KCND3: variants seen among roughly 807,000 people sequenced by gnomAD.
KCND3 encodes potassium voltage-gated channel subfamily D member 3.
Under a neutral mutation model 51.1 loss-of-function variants are expected in KCND3, and 9 were observed. That is an observed-to-expected ratio of 0.18 (90% CI 0.11 to 0.31). The LOEUF is 0.31. KCND3 is among the 10% of genes least tolerant of loss of function. The pLI, the probability that KCND3 is intolerant of heterozygous loss-of-function variation, is 1.00. For missense variants in KCND3, 526 were observed against 903.8 expected, an observed-to-expected ratio of 0.58 and a Z score of 5.36; for synonymous variants, 349 against 368.0, an observed-to-expected ratio of 0.95 and a Z score of 0.59.
intron 2 of KCND3, among the ~76,000 whole-genome samples, chr1:111,874,044 C>T (rs1368765491): frequency 6.6e-6 from 1 of 152,180 alleles, no homozygotes; most frequent in Non-Finnish European, 1.5e-5. Flanking sequence ...ACCCATTGCT[C>T]CACATACTCA....
chr1:111,803,794 A>G (rs1357701834), intron 2 of KCND3, among the ~76,000 whole-genome samples: 2 of 152,168 alleles, frequency 1.3e-5, no homozygotes, highest in Non-Finnish European at 2.9e-5. Flanking sequence ...ATACATTTGA[A>G]ATTTTCCATA....
intron 2 of KCND3, among the ~76,000 whole-genome samples, chr1:111,943,619 A>C (rs1672635543): frequency 6.6e-6 from 1 of 152,172 alleles, no homozygotes; most frequent in Non-Finnish European, 1.5e-5. Flanking sequence ...CTATTTGCAC[A>C]GCGTGTTGCT....
chr1:111,785,796 G>A (rs1397790468), intron 3 of KCND3, among the ~76,000 whole-genome samples: 1 of 152,104 alleles, frequency 6.6e-6, no homozygotes, highest in Non-Finnish European at 1.5e-5. Flanking sequence ...GGCAAGCCCT[G>A]CTACCTGGAG....
chr1:111,876,090 A>C (rs1319326188), intron 2 of KCND3, among the ~76,000 whole-genome samples: 1 of 152,106 alleles, frequency 6.6e-6, no homozygotes, highest in Non-Finnish European at 1.5e-5. Context: ...TAGCCCCCAA[A>C]TGTCCATTTC....
chr1:111,850,336 C>A (rs887471286), intron 2 of KCND3, among the ~76,000 whole-genome samples: 7 of 152,154 alleles, frequency 4.6e-5, no homozygotes, highest in Non-Finnish European at 1.0e-4. Flanking sequence ...ACTGACAGCA[C>A]CCCCACCCCA....
At chr1:111,834,766 A>G (rs1049469832) in intron 2 of KCND3, among the ~76,000 whole-genome samples, 5 of 152,202 alleles carry the variant, frequency 3.3e-5, no homozygotes, top group African/African-American at 1.2e-4. Context: ...GAAATTTATT[A>G]CATCTTTTTA....
chr1:111,821,711 G>A (rs2061796), intron 2 of KCND3, among the ~76,000 whole-genome samples: 1 of 151,954 alleles, frequency 6.6e-6, no homozygotes, highest in African/African-American at 2.4e-5. Flanking sequence ...CCTCCAGTAC[G>A]AACAGCCAGA....
At chr1:111,858,637 G>A (rs914810024) in intron 2 of KCND3, among the ~76,000 whole-genome samples, 1 of 152,128 alleles carries the variant, frequency 6.6e-6, no homozygotes, top group African/African-American at 2.4e-5. Flanking sequence ...AGTCTCTCCT[G>A]TGCCTGATGG....
chr1:111,821,837 G>T (rs1436961419), intron 2 of KCND3, among the ~76,000 whole-genome samples: 1 of 152,176 alleles, frequency 6.6e-6, no homozygotes, highest in Non-Finnish European at 1.5e-5. Flanking sequence ...GTTTGGAAGT[G>T]GGTGGTGGGG....
intron 2 of KCND3, among the ~76,000 whole-genome samples, chr1:111,793,469 G>A (rs558696971): frequency 2.0e-5 from 3 of 152,216 alleles, no homozygotes; most frequent in African/African-American, 4.8e-5. Context: ...GAGCCACCGC[G>A]CCCGGCCAGA....
chr1:111,977,172 T>G (rs1326189648), intron 2 of KCND3, among the ~76,000 whole-genome samples: 1 of 152,146 alleles, frequency 6.6e-6, no homozygotes, highest in Non-Finnish European at 1.5e-5. Flanking sequence ...GCTTGGGCAT[T>G]GAGAGGAGCA....
intron 2 of KCND3, among the ~76,000 whole-genome samples, chr1:111,811,054 T>A (rs2101573386): frequency 6.6e-6 from 1 of 152,296 alleles, no homozygotes; most frequent in South Asian, 2.1e-4. Context: ...TGACACCAGG[T>A]CAATGTTCCA....
At chr1:111,791,162 A>G (rs574963820) in intron 2 of KCND3, among the ~76,000 whole-genome samples, 3 of 152,322 alleles carry the variant, frequency 2.0e-5, no homozygotes, top group East Asian at 3.9e-4. Context: ...CCCACCAGCA[A>G]TGAATGAGGG....
intron 2 of KCND3, among the ~76,000 whole-genome samples, chr1:111,941,959 G>T (rs569639349): frequency 1.3e-5 from 2 of 152,160 alleles, no homozygotes; most frequent in African/African-American, 2.4e-5. Flanking sequence ...ATAATCATCC[G>T]ATCACCTTGC....
rs189993509 is a variant in KCND3, at chr1:111,895,602, T to G, written c.1106+86019A>C. 1.1e-3 allele frequency among the ~76,000 whole-genome samples: 175 copies of G among 152,358 alleles called. 1 individual carries two copies. The highest frequency in any genetic ancestry group is 4.1e-3 in the African/African-American group (170 of 41,586). On this transcript the variant is annotated intron_variant, in intron 2 of 7. Transcript: ENST00000302127. ...ATCAGGCCCTGATAGCAAACTGGCA[T>G]GTTCCCTAGATCAGTCACCTTCCAG...
chr1:111,811,914 G>A (rs774750529), intron 2 of KCND3, among the ~76,000 whole-genome samples: 6 of 152,070 alleles, frequency 3.9e-5, no homozygotes, highest in African/African-American at 7.2e-5. Context: ...TCCTTGGCCC[G>A]GGTCAGAAAT....
At chr1:111,779,324 A>G (rs1300501337) in intron 5 of KCND3, among the ~76,000 whole-genome samples, 1 of 152,122 alleles carries the variant, frequency 6.6e-6, no homozygotes, top group Non-Finnish European at 1.5e-5. Context: ...CCCCACCAAA[A>G]AAAAAGGAGT....
At chr1:111,795,675 G>A (rs1188372737) in intron 2 of KCND3, among the ~76,000 whole-genome samples, 1 of 152,296 alleles carries the variant, frequency 6.6e-6, no homozygotes, top group African/African-American at 2.4e-5. Context: ...GTGACAGAAC[G>A]ATTTATAATC....
intron 2 of KCND3, among the ~76,000 whole-genome samples, chr1:111,792,963 G>T (rs1363430627): frequency 6.7e-6 from 1 of 149,358 alleles, no homozygotes. Context: ...ACCAATTTTT[G>T]AGCTCAAGTG....
Sources: gnomAD v4.1 joint callset for allele counts (sites outside exome capture counted in the v4.1 genomes callset) on GRCh38, gnomAD v4.1.1 for gene constraint, MANE v1.5 for transcripts, NCBI Gene and HGNC (gene_info 2026-07-23, HGNC 2026-07-21) for gene names.